WRNIP1: variants seen among roughly 807,000 people sequenced by gnomAD.
WRNIP1 encodes WRN helicase interacting protein 1.
WRNIP1 carries 41 observed loss-of-function variants against 56.1 expected under a neutral mutation model. That is an observed-to-expected ratio of 0.73 (90% CI 0.57 to 0.95). The LOEUF (loss-of-function observed/expected upper bound fraction) is 0.95, where lower values mean the gene tolerates loss of function less well. Among genes scored for constraint, WRNIP1 ranks in the 40% least tolerant of loss-of-function variants. WRNIP1 has a pLI of 0.00. For missense variants in WRNIP1, 1,170 were observed against 939.4 expected, an observed-to-expected ratio of 1.25 and a Z score of -3.21; for synonymous variants, 547 against 398.1, an observed-to-expected ratio of 1.37 and a Z score of -4.45.
chr6:2,774,168 A>G (rs891896704), intron 3 of WRNIP1: 1 of 985,280 alleles, frequency 1.0e-6, no homozygotes, highest in Non-Finnish European at 1.2e-6. Flanking sequence ...TTTTAAGTAC[A>G]TTAATACAGT....
chr6:2,783,304 CT>C, intron 4 of WRNIP1, 101 bp from the exon 5 acceptor site: 3 of 1,326,134 alleles, frequency 2.3e-6, no homozygotes, highest in Admixed American at 2.7e-5. Flanking sequence ...TTCTCAGGGC[CT>C]TTATTCGTTC....
chr6:2,785,088 G>A lies in WRNIP1; in HGVS notation c.1804G>A (p.Ala602Thr), dbSNP rs750497757. 2 of 1,614,088 alleles carry A rather than the reference G, an allele frequency of 1.2e-6. No individual in the cohort carries two copies. The highest frequency in any genetic ancestry group is 1.7e-6 in the Non-Finnish European group (2 of 1,180,056). Residue 602 changes from alanine to threonine, a missense_variant, in exon 7 of 7, where the codon GCC becomes ACC. Coordinates refer to ENST00000380773, the MANE Select transcript of WRNIP1 (RefSeq NM_020135.3). ...EVYSAYNNVK[A>T]CLRNHQGPLP... ...GTACAGCGCCTACAACAACGTCAAA[G>A]CCTGCCTGAGGAACCACCAGGGGCC...
chr6:2,780,573 T>A (rs1156361492), intron 4 of WRNIP1, among the ~76,000 whole-genome samples: 1 of 152,210 alleles, frequency 6.6e-6, no homozygotes, highest in Non-Finnish European at 1.5e-5. Flanking sequence ...CCTGCTCAGA[T>A]GGCTGGCTCT....
rs1009345681 is a variant in WRNIP1 at position 2,768,642 on chromosome 6, C to T, written c.823-49C>T. On this transcript the variant is annotated intron_variant, in intron 1 of 6. Transcript: ENST00000380773. ...TGGTGGTTCCCATGGGTGCTGGTCT[C>T]TCTGTGTCTTACCAGCTTTTCAAAC... is the stretch of plus-strand genomic sequence containing the variant. The T allele has an allele frequency of 4.6e-6, 7 of 1,512,492 alleles. No individual in the cohort carries two copies. In the East Asian group the frequency reaches 1.6e-4, roughly 35 times the overall value. 93.7% of individuals were successfully genotyped at this position (1,512,492 alleles called of 1,614,324 possible). A position where few individuals can be genotyped will look rare whatever the true frequency, so the allele number is the denominator to read the frequency against.
intron 3 of WRNIP1, among the ~76,000 whole-genome samples, chr6:2,775,272 C>T (rs1243861257): frequency 6.6e-6 from 1 of 152,184 alleles, no homozygotes; most frequent in African/African-American, 2.4e-5. Flanking sequence ...AGCCTTTTAA[C>T]CAGATCTGCA....
At chr6:2,783,042 ATGG>A (rs1309897310) in intron 4 of WRNIP1, among the ~76,000 whole-genome samples, 1 of 151,322 alleles carries the variant, frequency 6.6e-6, no homozygotes, top group Non-Finnish European at 1.5e-5. Context: ...CCTCCAGTAG[ATGG>A]TGGGCCACGG....
chr6:2,782,182 C>T (rs1194527950), intron 4 of WRNIP1, among the ~76,000 whole-genome samples: 1 of 152,240 alleles, frequency 6.6e-6, no homozygotes, highest in East Asian at 1.9e-4. Flanking sequence ...GTGCCTGGGC[C>T]AGCAGGGTGA....
At chr6:2,781,741 G>T (rs1765565739) in intron 4 of WRNIP1, among the ~76,000 whole-genome samples, 1 of 152,206 alleles carries the variant, frequency 6.6e-6, no homozygotes, top group African/African-American at 2.4e-5. Flanking sequence ...AAACATGGAA[G>T]GTAGCATAGA....
intron 3 of WRNIP1, among the ~76,000 whole-genome samples, chr6:2,777,532 T>A (rs1004243793): frequency 3.9e-5 from 6 of 152,198 alleles, no homozygotes; most frequent in Admixed American, 1.3e-4. Flanking sequence ...AGAAATGAGA[T>A]GCCCAAGCAG....
rs1268460672 is a variant in WRNIP1 at position 2,773,752 on chromosome 6, A to G, written c.1256+3391A>G. ...GATTCCTAGGTCATAGAATATATAC[A>G]TAGTCAAAAACACTCCTAAAGAATC... On this transcript the variant is annotated intron_variant, in intron 3 of 6. Transcript: ENST00000380773. The G allele has an allele frequency of 6.1e-6, 6 of 985,142 alleles. No individual in the cohort carries two copies. The African/African-American group carries it at 8.7e-5, about 14-fold the overall frequency. 61.0% of individuals were successfully genotyped at this position (985,142 alleles called of 1,614,324 possible). A position where few individuals can be genotyped will look rare whatever the true frequency, so the allele number is the denominator to read the frequency against.
chr6:2,767,574 T>G (rs774845141), intron 1 of WRNIP1, among the ~76,000 whole-genome samples: 1 of 152,222 alleles, frequency 6.6e-6, no homozygotes, highest in Non-Finnish European at 1.5e-5. Flanking sequence ...TAACATCTTA[T>G]GATGATGGTG....
intron 4 of WRNIP1, among the ~76,000 whole-genome samples, 180 bp downstream of exon 4, chr6:2,779,672 G>A (rs927394598): frequency 1.3e-5 from 2 of 152,210 alleles, no homozygotes; most frequent in Non-Finnish European, 2.9e-5. Flanking sequence ...TGACCTTTCC[G>A]AAGAGAGGCA....
chr6:2,780,179 C>G (rs1458688353), intron 4 of WRNIP1, among the ~76,000 whole-genome samples: 1 of 152,212 alleles, frequency 6.6e-6, no homozygotes, highest in Non-Finnish European at 1.5e-5. Context: ...CAAACTTCTG[C>G]TGCTTGAGCA....
In WRNIP1 at chr6:2,766,456, C is replaced by A. The variant is rs752224904; in HGVS notation, c.822+12C>A. On this transcript the variant is annotated intron_variant, in intron 1 of 6. Transcript: ENST00000380773. ...CGGGCTGCGGCAAGGTGAGTGCGGC[C>A]TTGGCCGTTGGGCTTCCGTAGTTAT... is the stretch of plus-strand genomic sequence containing the variant. 5.9e-6 allele frequency: 9 copies of A among 1,515,006 alleles called. No individual in the cohort carries two copies. Among genetic ancestry groups the A allele is most frequent in the African/African-American group, 1.4e-5 (1 of 72,350 alleles). The allele number at this position is 1,515,006 out of a possible 1,614,324, so 93.8% of individuals were successfully genotyped here. A position where few individuals can be genotyped will look rare whatever the true frequency, so the allele number is the denominator to read the frequency against.
At chr6:2,783,744 T>C (rs1423717841) in intron 5 of WRNIP1, among the ~76,000 whole-genome samples, 183 bp downstream of exon 5, 3 of 150,168 alleles carry the variant, frequency 2.0e-5, no homozygotes, top group South Asian at 4.2e-4. Flanking sequence ...CTGAGCTCAG[T>C]CGTTTATTTC....
At chr6:2,784,245 G>T in intron 5 of WRNIP1, 79 bp from the exon 6 acceptor site, 1 of 1,364,536 alleles carries the variant, frequency 7.3e-7, no homozygotes, top group Non-Finnish European at 1.0e-6. Flanking sequence ...AGCAGTGGTG[G>T]TCTGTGGTCG....
chr6:2,770,432 G>GGGCC lies in WRNIP1; in HGVS notation c.1256+74_1256+77dup. 3.2e-6 allele frequency: 5 copies of GGGCC among 1,585,714 alleles called. No individual in the cohort carries two copies. The South Asian group carries it at 5.7e-5, about 18-fold the overall frequency. On this transcript the variant is annotated intron_variant, in intron 3 of 6. Coordinates refer to ENST00000380773, the MANE Select transcript of WRNIP1 (RefSeq NM_020135.3). Reference sequence around the variant, plus strand: ...GAGTCTCCTGGCAGGGGGCCAGAAAGGGCCGGGCGTCAGTGAGGAGAGGGT... The same window carrying GGGCC: ...GAGTCTCCTGGCAGGGGGCCAGAAAGGGCCGGCCGGGCGTCAGTGAGGAGAGGGT...
intron 3 of WRNIP1, 147 bp from the exon 4 acceptor site, chr6:2,779,116 T>A: frequency 2.5e-6 from 2 of 807,234 alleles, no homozygotes; most frequent in Non-Finnish European, 3.9e-6. Flanking sequence ...TTGATGATGC[T>A]TAAGCACATT....
intron 1 of WRNIP1, among the ~76,000 whole-genome samples, chr6:2,766,999 T>C (rs1383240703): frequency 1.3e-5 from 2 of 152,252 alleles, no homozygotes; most frequent in South Asian, 2.1e-4. Flanking sequence ...TTGATTTTAC[T>C]AAATATACTC....
Sources: allele counts gnomAD v4.1 joint callset (sites outside exome capture counted in the v4.1 genomes callset), GRCh38; gene constraint gnomAD v4.1.1; transcripts MANE v1.5; gene names NCBI Gene and HGNC (gene_info 2026-07-23, HGNC 2026-07-21).